Variants in SCAPER observed in about 807,000 individuals in gnomAD.
The protein encoded by SCAPER is S phase cyclin A-associated protein in the endoplasmic reticulum.
Under a neutral mutation model 182.2 loss-of-function variants are expected in SCAPER, and 98 were observed. That is an observed-to-expected ratio of 0.54 (90% CI 0.46 to 0.64). The LOEUF (loss-of-function observed/expected upper bound fraction) is 0.64, where lower values mean the gene tolerates loss of function less well. SCAPER is among the 30% of genes least tolerant of loss of function. The probability of loss-of-function intolerance (pLI) is 0.00; values close to 1 mark genes in which losing one functional copy is unlikely to be tolerated. For missense variants in SCAPER, 1,432 were observed against 1,690.0 expected, an observed-to-expected ratio of 0.85 and a Z score of 2.68; for synonymous variants, 605 against 564.6, an observed-to-expected ratio of 1.07 and a Z score of -1.01.
At chr15:76,816,661 T>TG (rs1368773426) in intron 5 of SCAPER, among the ~76,000 whole-genome samples, 1 of 151,884 alleles carries the variant, frequency 6.6e-6, no homozygotes, top group Non-Finnish European at 1.5e-5. Context: ...ATAATTTTTT[T>TG]TTTTTTTTTG....
chr15:76,730,210 T>G (rs1052601305), intron 16 of SCAPER, among the ~76,000 whole-genome samples: 8 of 152,052 alleles, frequency 5.3e-5, no homozygotes, highest in African/African-American at 1.7e-4. Context: ...AATAGTAACT[T>G]CATCTCCACA....
chr15:76,776,972 T>C (rs557012418), intron 8 of SCAPER, among the ~76,000 whole-genome samples: 4 of 152,136 alleles, frequency 2.6e-5, no homozygotes, highest in African/African-American at 7.2e-5. Flanking sequence ...GAGAAAACTA[T>C]GAATTCAAGA....
At chr15:76,427,184 A>T (rs754944400) in intron 26 of SCAPER, among the ~76,000 whole-genome samples, 3 of 152,216 alleles carry the variant, frequency 2.0e-5, no homozygotes, top group Non-Finnish European at 4.4e-5. Context: ...AAGATCTTAA[A>T]ACCACAATTA....
intron 3 of SCAPER, 35 bp downstream of exon 3, chr15:76,862,381 A>T: frequency 7.1e-7 from 1 of 1,399,238 alleles, no homozygotes; most frequent in Non-Finnish European, 1.0e-6. Context: ...CTCCTTATTT[A>T]CAACAAAAAT....
At chr15:76,545,013 A>C (rs900207805) in intron 23 of SCAPER, among the ~76,000 whole-genome samples, 1 of 152,168 alleles carries the variant, frequency 6.6e-6, no homozygotes, top group African/African-American at 2.4e-5. Context: ...TACAACTTAT[A>C]TAAGCAAGGC....
chr15:76,665,812 A>T, intron 20 of SCAPER, 23 bp from the exon 21 acceptor site: 1 of 1,469,674 alleles, frequency 6.8e-7, no homozygotes. Context: ...TAAATAAAAT[A>T]ATAATAATGA....
intron 24 of SCAPER, among the ~76,000 whole-genome samples, chr15:76,496,907 T>C (rs1434802149): frequency 1.1e-4 from 16 of 152,138 alleles, no homozygotes; most frequent in Admixed American, 9.8e-4. Context: ...ATCAGGTTCA[T>C]TTGGCTGGAA....
intron 8 of SCAPER, among the ~76,000 whole-genome samples, chr15:76,791,490 A>G (rs2065004638): frequency 6.6e-6 from 1 of 152,192 alleles, no homozygotes; most frequent in Non-Finnish European, 1.5e-5. Context: ...GAGTCCTGGC[A>G]GAAACCAGCA....
intron 24 of SCAPER, among the ~76,000 whole-genome samples, chr15:76,504,314 C>T (rs2041397870): frequency 6.6e-6 from 1 of 152,082 alleles, no homozygotes; most frequent in African/African-American, 2.4e-5. Flanking sequence ...CTGCTATACC[C>T]CAGGTGGCCA....
chr15:76,665,130 C>T (rs957596453), intron 21 of SCAPER, among the ~76,000 whole-genome samples: 2 of 152,194 alleles, frequency 1.3e-5, no homozygotes, highest in Middle Eastern at 3.2e-3. Flanking sequence ...TACTACACAG[C>T]TGTCTGATCT....
intron 23 of SCAPER, among the ~76,000 whole-genome samples, chr15:76,545,517 A>C (rs2045199644): frequency 6.6e-6 from 1 of 152,196 alleles, no homozygotes; most frequent in Non-Finnish European, 1.5e-5. Context: ...ACCTCTGGCC[A>C]TTGAGAGTAA....
intron 1 of SCAPER, among the ~76,000 whole-genome samples, chr15:76,884,935 T>C (rs1000094200): frequency 6.6e-6 from 1 of 152,186 alleles, no homozygotes; most frequent in Non-Finnish European, 1.5e-5. Flanking sequence ...AGAACACATA[T>C]TGTATGATTC....
At chr15:76,607,124 C>T (rs1271346914) in intron 22 of SCAPER, among the ~76,000 whole-genome samples, 1 of 152,188 alleles carries the variant, frequency 6.6e-6, no homozygotes, top group Non-Finnish European at 1.5e-5. Flanking sequence ...ATGGTCTTTA[C>T]AATTTGGCAT....
chr15:76,415,898 TG>T (rs1484445751), intron 26 of SCAPER, among the ~76,000 whole-genome samples: 1 of 152,170 alleles, frequency 6.6e-6, no homozygotes, highest in Non-Finnish European at 1.5e-5. Context: ...TAACAATTGT[TG>T]GTACACAGAT....
chr15:76,876,559 G>C (rs2073177918), intron 2 of SCAPER, among the ~76,000 whole-genome samples: 1 of 151,710 alleles, frequency 6.6e-6, no homozygotes, highest in African/African-American at 2.4e-5. Context: ...GGAATACTAA[G>C]CTGATTTAAC....
At position 76,504,012 on chromosome 15, in the gene SCAPER, G is replaced by C. The variant is rs141151194; in HGVS notation, c.2954+847C>G. On this transcript the variant is annotated intron_variant, in intron 24 of 31. Coordinates refer to ENST00000563290, the MANE Select transcript of SCAPER (RefSeq NM_020843.4). Reference sequence around the variant, plus strand: ...GTGATCCTTCCTTTCTTAGCCTCCTGAGTAGCTGGGACTACAGGTGTGTGC... The same window carrying C: ...GTGATCCTTCCTTTCTTAGCCTCCTCAGTAGCTGGGACTACAGGTGTGTGC... Among the ~76,000 whole-genome samples, 491 of 151,780 alleles carry C rather than the reference G, an allele frequency of 3.2e-3. 2 individuals carry two copies. Among genetic ancestry groups the C allele is most frequent in the African/African-American group, 0.011 (467 of 41,382 alleles).
At chr15:76,797,163 G>A (rs761276918) in intron 7 of SCAPER, 5 of 152,138 alleles carry the variant, frequency 3.3e-5, no homozygotes, top group Admixed American at 1.3e-4. Flanking sequence ...ATAAAAAGCA[G>A]TCAAGAAAGG....
chr15:76,795,159 A>G, intron 8 of SCAPER, 121 bp downstream of exon 8: 1 of 906,260 alleles, frequency 1.1e-6, no homozygotes, highest in Non-Finnish European at 1.6e-6. Context: ...TGTTTTAATT[A>G]TGGTAAATTA....
chr15:76,462,040 A>C (rs967555850), intron 25 of SCAPER, among the ~76,000 whole-genome samples: 1 of 152,148 alleles, frequency 6.6e-6, no homozygotes, highest in Non-Finnish European at 1.5e-5. Flanking sequence ...ATCCCTTTGT[A>C]GCTTTTCTCC....
Sources: gnomAD v4.1 joint callset for allele counts (sites outside exome capture counted in the v4.1 genomes callset) on GRCh38, gnomAD v4.1.1 for gene constraint, MANE v1.5 for transcripts, NCBI Gene and HGNC (gene_info 2026-07-23, HGNC 2026-07-21) for gene names.